The following RAPGEF6 variants were observed in gnomAD, a reference collection of about 807,000 sequenced individuals.
The protein encoded by RAPGEF6 is Rap guanine nucleotide exchange factor 6, also known as PDZ domain containing guanine nucleotide exchange factor (GEF) 2.
Under a neutral mutation model 171.4 loss-of-function variants are expected in RAPGEF6, and 56 were observed. That is an observed-to-expected ratio of 0.33 (90% confidence interval 0.26 to 0.41). The LOEUF is 0.41. RAPGEF6 is among the 10% of genes least tolerant of loss of function. The pLI is 1.00. For synonymous variants in RAPGEF6, 692 were observed against 650.1 expected, an observed-to-expected ratio of 1.06 and a Z score of -0.98; for missense variants, 1,674 against 1,921.4, an observed-to-expected ratio of 0.87 and a Z score of 2.41.
intron 14 of RAPGEF6, among the ~76,000 whole-genome samples, chr5:131,491,105 T>C (rs1756251114): frequency 6.6e-6 from 1 of 152,166 alleles, no homozygotes; most frequent in African/African-American, 2.4e-5. Flanking sequence ...GTGATACAAA[T>C]AACTGAACAA....
intron 19 of RAPGEF6, among the ~76,000 whole-genome samples, chr5:131,459,522 G>C (rs1272866198): frequency 6.6e-6 from 1 of 151,504 alleles, no homozygotes; most frequent in Non-Finnish European, 1.5e-5. Context: ...ACTCCAGCAG[G>C]AAAAAAAATA....
chr5:131,482,127 A>C (rs1251260403), intron 15 of RAPGEF6, among the ~76,000 whole-genome samples: 1 of 152,218 alleles, frequency 6.6e-6, no homozygotes, highest in Non-Finnish European at 1.5e-5. Flanking sequence ...GCACAGCGCA[A>C]GTTTATGAAA....
rs77003071 is a variant in RAPGEF6 at position 131,473,589 on chromosome 5, A to G, written c.2082-845T>C. Among the ~76,000 whole-genome samples, 247 of 152,352 alleles carry G rather than the reference A, an allele frequency of 1.6e-3. 2 individuals carry two copies. The highest frequency in any genetic ancestry group is 5.7e-3 in the African/African-American group (239 of 41,594). ...ACCAAAAACTACTTCTAAGGGTTGT[A>G]CTTACATTAAAACCAATGCTCTGTT... On this transcript the variant is annotated intron_variant, in intron 16 of 27. Transcript: ENST00000509018.
intron 6 of RAPGEF6, among the ~76,000 whole-genome samples, chr5:131,533,556 A>G (rs942845320): frequency 6.6e-6 from 1 of 152,118 alleles, no homozygotes; most frequent in African/African-American, 2.4e-5. Context: ...TATAACCTTC[A>G]GGATCACTCT....
chr5:131,470,063 T>C (rs529107975), intron 17 of RAPGEF6, among the ~76,000 whole-genome samples: 2 of 152,330 alleles, frequency 1.3e-5, no homozygotes, highest in South Asian at 4.1e-4. Flanking sequence ...GAAGCTGAAT[T>C]TGGAATTAAC....
intron 19 of RAPGEF6, among the ~76,000 whole-genome samples, chr5:131,459,531 T>C (rs1030573765): frequency 2.0e-5 from 3 of 152,036 alleles, no homozygotes; most frequent in Non-Finnish European, 4.4e-5. Flanking sequence ...GGAAAAAAAA[T>C]AATACATCTA....
chr5:131,459,955 A>G (rs1163660070), intron 19 of RAPGEF6, among the ~76,000 whole-genome samples: 1 of 152,176 alleles, frequency 6.6e-6, no homozygotes, highest in Non-Finnish European at 1.5e-5. Flanking sequence ...TAATTATAAA[A>G]AGTTGTTAAT....
At chr5:131,437,484 T>C (rs1157606260) in intron 24 of RAPGEF6, among the ~76,000 whole-genome samples, 14 of 152,172 alleles carry the variant, frequency 9.2e-5, no homozygotes, top group Admixed American at 7.9e-4. Context: ...ATTAGGAGCA[T>C]ATGGATACTG....
At chr5:131,617,723 G>A (rs184322374) in intron 1 of RAPGEF6, among the ~76,000 whole-genome samples, 10 of 152,136 alleles carry the variant, frequency 6.6e-5, no homozygotes, top group Non-Finnish European at 1.0e-4. Context: ...GTGAAACCCC[G>A]TCTCTACTAA....
chr5:131,459,239 G>A (rs1431556995), intron 19 of RAPGEF6, among the ~76,000 whole-genome samples: 4 of 152,274 alleles, frequency 2.6e-5, no homozygotes, highest in Middle Eastern at 3.4e-3. Context: ...TAATGATGTT[G>A]GGTGAAGAAG....
chr5:131,439,927 G>A, intron 23 of RAPGEF6: 1 of 815,960 alleles, frequency 1.2e-6, no homozygotes, highest in Non-Finnish European at 1.8e-6. Flanking sequence ...TGGTCAGCAT[G>A]GACCAGATTA....
At chr5:131,576,525 C>A (rs1189147502) in intron 4 of RAPGEF6, among the ~76,000 whole-genome samples, 2 of 152,164 alleles carry the variant, frequency 1.3e-5, no homozygotes, top group African/African-American at 2.4e-5. Context: ...CTCCTTAAGG[C>A]TGCTCTACTG....
At chr5:131,564,590 T>C (rs1468290273) in intron 4 of RAPGEF6, among the ~76,000 whole-genome samples, 1 of 152,078 alleles carries the variant, frequency 6.6e-6, no homozygotes, top group Non-Finnish European at 1.5e-5. Context: ...ATAAAATTCA[T>C]GATGACATCA....
chr5:131,590,170 C>T lies in RAPGEF6; in HGVS notation c.281+2213G>A, dbSNP rs562415267. Among the ~76,000 whole-genome samples, 15 of 152,270 alleles carry T rather than the reference C, an allele frequency of 9.9e-5. No individual in the cohort carries two copies. The South Asian group carries it at 2.3e-3, about 23-fold the overall frequency. On this transcript the variant is annotated intron_variant, in intron 4 of 27. Coordinates refer to ENST00000509018, the MANE Select transcript of RAPGEF6 (RefSeq NM_016340.6). The stretch of plus-strand genomic sequence containing the variant: ...AATCACAGCACTGTAATGCCCAAGG[C>T]GGGCAGATCACTTGAGGTCAGGAGC...
chr5:131,499,305 G>A lies in RAPGEF6; in HGVS notation c.1255-698C>T, dbSNP rs530826949. ...ATAAAAGAATATAAACAGGCTGGGC[G>A]TGGTGTGGCTCATGCCTGTAATCCC... On this transcript the variant is annotated intron_variant, in intron 11 of 27. Transcript: ENST00000509018. 4.6e-5 allele frequency among the ~76,000 whole-genome samples: 7 copies of A among 152,216 alleles called. No individual in the cohort carries two copies. The East Asian group carries it at 7.7e-4, about 17-fold the overall frequency.
intron 15 of RAPGEF6, among the ~76,000 whole-genome samples, chr5:131,480,566 T>A (rs984930329): frequency 6.6e-6 from 1 of 151,870 alleles, no homozygotes; most frequent in Non-Finnish European, 1.5e-5. Context: ...GCAACCTCCA[T>A]CTCCCGGGTT....
intron 1 of RAPGEF6, among the ~76,000 whole-genome samples, chr5:131,619,045 G>GAA (rs746705784): frequency 6.8e-5 from 8 of 117,776 alleles, no homozygotes; most frequent in Non-Finnish European, 1.1e-4. Flanking sequence ...TTCATGAAAG[G>GAA]AAAAAAAAAA....
chr5:131,466,273 A>G (rs756703265), intron 17 of RAPGEF6, among the ~76,000 whole-genome samples: 6 of 152,104 alleles, frequency 3.9e-5, no homozygotes, highest in Non-Finnish European at 8.8e-5. Context: ...GGATGCATCA[A>G]ACTCTCTTTC....
intron 16 of RAPGEF6, among the ~76,000 whole-genome samples, chr5:131,477,723 T>C (rs1021821302): frequency 6.6e-6 from 1 of 152,212 alleles, no homozygotes; most frequent in Non-Finnish European, 1.5e-5. Flanking sequence ...CAGTCTTGTC[T>C]GTCTTTAGAT....
Sources: allele counts gnomAD v4.1 joint callset (sites outside exome capture counted in the v4.1 genomes callset), GRCh38; gene constraint gnomAD v4.1.1; transcripts MANE v1.5; gene names NCBI Gene and HGNC (gene_info 2026-07-23, HGNC 2026-07-21).